The following LIMS1 variants were observed in gnomAD, a reference collection of about 807,000 sequenced individuals.
LIMS1 encodes the protein LIM zinc finger domain containing 1.
Under a neutral mutation model 44.1 loss-of-function variants are expected in LIMS1, and 18 were observed. The ratio of observed to expected loss-of-function variants is 0.41; its 90% CI spans 0.28 to 0.61. The LOEUF is 0.61. Among genes scored for constraint, LIMS1 ranks in the 20% least tolerant of loss-of-function variants. LIMS1 has a pLI of 0.32. For synonymous variants in LIMS1, 93 were observed against 149.1 expected, an observed-to-expected ratio of 0.62 and a Z score of 2.74; for missense variants, 201 against 422.0, an observed-to-expected ratio of 0.48 and a Z score of 4.59.
intron 1 of LIMS1, among the ~76,000 whole-genome samples, chr2:108,636,179 T>C (rs1317352702): frequency 6.6e-6 from 1 of 151,968 alleles, no homozygotes; most frequent in Admixed American, 6.6e-5. Context: ...GTGCCCGGGG[T>C]CACACTACCA....
At position 108,681,057 on chromosome 2, in the gene LIMS1, C is replaced by T. The variant is rs1016025472; in HGVS notation, c.899+287C>T. On this transcript the variant is annotated intron_variant, in intron 9 of 9. Transcript: ENST00000544547. ...AGAATTTAAGAGGCGACTTGCCAAA[C>T]GGGAGAGAGAAGCAAAGGATAAGGA... The T allele has an allele frequency of 1.2e-5, 15 of 1,285,868 alleles. 1 individual carries two copies. The highest frequency in any genetic ancestry group is 8.3e-5 in the South Asian group (3 of 36,210). 79.7% of individuals were successfully genotyped at this position (1,285,868 alleles called of 1,614,324 possible). A position where few individuals can be genotyped will look rare whatever the true frequency, so the allele number is the denominator to read the frequency against.
intron 1 of LIMS1, among the ~76,000 whole-genome samples, chr2:108,545,122 A>T (rs1319207366): frequency 1.3e-5 from 2 of 152,174 alleles, no homozygotes; most frequent in Non-Finnish European, 2.9e-5. Flanking sequence ...ATATAAGTAT[A>T]CCTTTCATCT....
intron 2 of LIMS1, among the ~76,000 whole-genome samples, chr2:108,664,360 G>A (rs826679): frequency 0.37 from 56,689 of 151,876 alleles, 11,061 homozygotes; most frequent in Middle Eastern, 0.52. Context: ...AATATTTACA[G>A]AACTCCAAAA....
intron 2 of LIMS1, among the ~76,000 whole-genome samples, chr2:108,661,332 A>C (rs2438234): frequency 7.3e-5 from 9 of 123,294 alleles, no homozygotes; most frequent in South Asian, 2.8e-4. Context: ...CTTTTCTTCT[A>C]GTTCTTTTTT....
chr2:108,544,436 T>C (rs1457326501), intron 1 of LIMS1, among the ~76,000 whole-genome samples: 3 of 152,200 alleles, frequency 2.0e-5, no homozygotes, highest in African/African-American at 4.8e-5. Context: ...TTCAAACATA[T>C]ACAAAAATAC....
At chr2:108,585,720 G>A (rs575699400) in intron 1 of LIMS1, among the ~76,000 whole-genome samples, 71 of 152,232 alleles carry the variant, frequency 4.7e-4, no homozygotes, top group South Asian at 3.5e-3. Flanking sequence ...ATAAAAGTAC[G>A]GTGGTCTGGA....
intron 1 of LIMS1, among the ~76,000 whole-genome samples, chr2:108,566,449 G>C (rs964009354): frequency 2.0e-5 from 3 of 152,116 alleles, no homozygotes; most frequent in African/African-American, 7.2e-5. Context: ...TGAGGAAACT[G>C]ATTCTCAGAG....
chr2:108,673,387 A>T (rs2148999796), intron 5 of LIMS1: 1 of 316,696 alleles, frequency 3.2e-6, no homozygotes, highest in Non-Finnish European at 5.9e-6. Flanking sequence ...CTTTTTGTAA[A>T]TTTTTTTTTG....
At chr2:108,553,157 GGT>G (rs1402955375) in intron 1 of LIMS1, among the ~76,000 whole-genome samples, 1 of 152,160 alleles carries the variant, frequency 6.6e-6, no homozygotes, top group Non-Finnish European at 1.5e-5. Flanking sequence ...TTTCTAGCAT[GGT>G]CTTCCATGCT....
intron 1 of LIMS1, among the ~76,000 whole-genome samples, chr2:108,558,335 A>G (rs180866208): frequency 1.3e-5 from 2 of 151,886 alleles, no homozygotes; most frequent in Admixed American, 1.3e-4. Context: ...CTCCTGCCTC[A>G]AACTCCCAAG....
intron 1 of LIMS1, among the ~76,000 whole-genome samples, chr2:108,635,403 G>C (rs1689170219): frequency 1.4e-5 from 2 of 147,476 alleles, no homozygotes; most frequent in Admixed American, 6.8e-5. Context: ...ACTCCAGCCT[G>C]GGGGGAAAGA....
intron 1 of LIMS1, among the ~76,000 whole-genome samples, chr2:108,546,726 T>C (rs1684496132): frequency 6.6e-6 from 1 of 151,514 alleles, no homozygotes; most frequent in African/African-American, 2.4e-5. Flanking sequence ...TTATGTTAAA[T>C]ATCATACAGA....
chr2:108,550,428 G>A (rs1026370916), intron 1 of LIMS1, among the ~76,000 whole-genome samples: 21 of 151,848 alleles, frequency 1.4e-4, no homozygotes, highest in Admixed American at 9.2e-4. Context: ...GAACCTGGGA[G>A]GCGGAGCTTG....
intron 1 of LIMS1, among the ~76,000 whole-genome samples, chr2:108,618,780 G>C (rs541916819): frequency 1.4e-5 from 2 of 147,034 alleles, no homozygotes; most frequent in Middle Eastern, 3.6e-3. Flanking sequence ...AGCTGAGATC[G>C]TGCCACTGCA....
intron 1 of LIMS1, among the ~76,000 whole-genome samples, chr2:108,611,879 A>G (rs1219479843): frequency 6.8e-6 from 1 of 146,276 alleles, no homozygotes; most frequent in Non-Finnish European, 1.5e-5. Flanking sequence ...ACACATATAT[A>G]TAAAATATAT....
intron 1 of LIMS1, among the ~76,000 whole-genome samples, chr2:108,611,000 A>G (rs1213354018): frequency 6.6e-6 from 1 of 152,134 alleles, no homozygotes; most frequent in Non-Finnish European, 1.5e-5. Context: ...GCCATCAATC[A>G]GTCGAGGATA....
Position 108,636,865 on chromosome 2 carries a change from G to C in LIMS1, c.33-22740G>C, listed in dbSNP as rs114190455. Among the ~76,000 whole-genome samples the C allele has an allele frequency of 5.0e-3, 764 of 152,216 alleles. 6 individuals are homozygous for C. Among genetic ancestry groups the C allele is most frequent in the African/African-American group, 0.017 (725 of 41,514 alleles). On this transcript the variant is annotated intron_variant, in intron 1 of 9. Coordinates refer to ENST00000544547, the Ensembl canonical transcript of LIMS1. ...CCTGCAGAACAAGAGGAGTGACTGA[G>C]GCCCCTGGGAGATGCTGCTAGCCTG...
intron 1 of LIMS1, among the ~76,000 whole-genome samples, chr2:108,551,348 A>G (rs983412627): frequency 2.7e-5 from 4 of 147,104 alleles, no homozygotes; most frequent in African/African-American, 9.9e-5. Flanking sequence ...ATATAAATAT[A>G]TAATGTATTA....
chr2:108,540,193 C>CTTTTTTTTT (rs34386092), intron 1 of LIMS1, among the ~76,000 whole-genome samples: 7 of 93,312 alleles, frequency 7.5e-5, no homozygotes, highest in East Asian at 4.1e-4. Flanking sequence ...GTACAGATTC[C>CTTTTTTTTT]TTTTTTTTTT....
Sources: gnomAD v4.1 joint callset for allele counts (sites outside exome capture counted in the v4.1 genomes callset) on GRCh38, gnomAD v4.1.1 for gene constraint, MANE v1.5 for transcripts, NCBI Gene and HGNC (gene_info 2026-07-23, HGNC 2026-07-21) for gene names.